Variants in SUMF1 observed in about 807,000 individuals in gnomAD.
SUMF1 encodes the protein formylglycine-generating enzyme.
A neutral mutation model predicts 47.6 loss-of-function variants in SUMF1; 48 were observed. That is an observed-to-expected ratio of 1.01 (90% CI 0.80 to 1.28). The LOEUF (loss-of-function observed/expected upper bound fraction) is 1.28, where lower values mean the gene tolerates loss of function less well. Among genes scored for constraint, SUMF1 ranks in the 50% most tolerant of loss-of-function variants. The pLI is 0.00. For missense variants in SUMF1, 571 were observed against 485.4 expected, an observed-to-expected ratio of 1.18 and a Z score of -1.66; for synonymous variants, 230 against 192.1, an observed-to-expected ratio of 1.20 and a Z score of -1.63.
chr3:4,134,788 G>C (rs557631522), intron 8 of SUMF1, among the ~76,000 whole-genome samples: 1 of 151,726 alleles, frequency 6.6e-6, no homozygotes, highest in Admixed American at 6.6e-5. Flanking sequence ...GATAAAGGGG[G>C]TATCACCACC....
In SUMF1 at chr3:4,171,432, T is replaced by C. The variant is rs9858798; in HGVS notation, c.1015-102687A>G. On this transcript the variant is annotated intron_variant and NMD_transcript_variant, in intron 8 of 12. Transcript: ENST00000448413. Reference sequence around the variant, plus strand: ...TAGACTTGAGTTTCATAGATGTGTTTACATGGGCCAAAGAAACCCAAGGGT... The same window carrying C: ...TAGACTTGAGTTTCATAGATGTGTTCACATGGGCCAAAGAAACCCAAGGGT... 3.3e-5 allele frequency among the ~76,000 whole-genome samples: 5 copies of C among 152,294 alleles called. No individual in the cohort carries two copies. In the South Asian group the frequency reaches 8.3e-4, roughly 25 times the overall value.
At chr3:4,121,225 C>T (rs550593424) in intron 8 of SUMF1, among the ~76,000 whole-genome samples, 2 of 152,052 alleles carry the variant, frequency 1.3e-5, no homozygotes, top group Non-Finnish European at 2.9e-5. Flanking sequence ...GCTTTATATC[C>T]CCAGTTTCAA....
intron 8 of SUMF1, among the ~76,000 whole-genome samples, chr3:4,262,157 T>G (rs1435486586): frequency 2.6e-5 from 4 of 152,082 alleles, no homozygotes; most frequent in Non-Finnish European, 5.9e-5. Flanking sequence ...CTGCCCCTCC[T>G]TGTCATAAAA....
At chr3:4,290,301 C>A (rs1245044400) in intron 8 of SUMF1, among the ~76,000 whole-genome samples, 2 of 148,380 alleles carry the variant, frequency 1.3e-5, no homozygotes, top group African/African-American at 2.6e-5. Context: ...CTAAACAAAT[C>A]ACAGCAAAGG....
At chr3:4,335,966 A>AAACAAAAAAAT (rs575357717) in intron 8 of SUMF1, among the ~76,000 whole-genome samples, 2 of 144,914 alleles carry the variant, frequency 1.4e-5, no homozygotes, top group Non-Finnish European at 1.5e-5. Context: ...AACTCAAAAA[A>AAACAAAAAAAT]AAAAAAAAAA....
intron 8 of SUMF1, among the ~76,000 whole-genome samples, chr3:4,267,914 C>T (rs1401699007): frequency 2.7e-5 from 4 of 150,680 alleles, no homozygotes. Flanking sequence ...ATAAATCATG[C>T]TGCTATAAAG....
chr3:4,059,322 C>T (rs1449394314), intron 9 of SUMF1, among the ~76,000 whole-genome samples: 1 of 152,114 alleles, frequency 6.6e-6, no homozygotes, highest in Non-Finnish European at 1.5e-5. Flanking sequence ...TTTATCTGTA[C>T]AGCTGCCCAT....
At chr3:4,273,662 T>C (rs1461049742) in intron 8 of SUMF1, among the ~76,000 whole-genome samples, 1 of 134,034 alleles carries the variant, frequency 7.5e-6, no homozygotes, top group Admixed American at 8.3e-5. Context: ...AAGTAAATTA[T>C]ACTCAATAAA....
At chr3:4,092,917 T>A (rs1692819050) in intron 8 of SUMF1, among the ~76,000 whole-genome samples, 1 of 152,008 alleles carries the variant, frequency 6.6e-6, no homozygotes, top group Admixed American at 6.6e-5. Context: ...GTGTGTGCCT[T>A]ACAATATAGA....
chr3:4,417,080 C>T (rs769315892), intron 6 of SUMF1, 48 bp downstream of exon 6: 79 of 1,570,578 alleles, frequency 5.0e-5, no homozygotes, highest in Admixed American at 1.0e-4. Context: ...TACTGGGAGC[C>T]TCAGTTCTCA....
chr3:4,225,006 T>G (rs1397182598), intron 8 of SUMF1, among the ~76,000 whole-genome samples: 1 of 152,124 alleles, frequency 6.6e-6, no homozygotes, highest in Non-Finnish European at 1.5e-5. Flanking sequence ...TCAAGGGTTC[T>G]GACAAAAACT....
intron 9 of SUMF1, among the ~76,000 whole-genome samples, chr3:4,051,297 A>G (rs1203267337): frequency 6.6e-6 from 1 of 152,004 alleles, no homozygotes; most frequent in Non-Finnish European, 1.5e-5. Context: ...ATCCCTCCTG[A>G]GCATAGGGCC....
intron 1 of SUMF1, among the ~76,000 whole-genome samples, chr3:4,461,037 C>A (rs1279889148): frequency 6.6e-6 from 1 of 152,146 alleles, no homozygotes; most frequent in Admixed American, 6.6e-5. Context: ...ATTTCTATAT[C>A]CCCACTGCCT....
chr3:4,379,840 C>CAAAAAAAAAA (rs58264459), intron 7 of SUMF1, among the ~76,000 whole-genome samples: 2 of 76,888 alleles, frequency 2.6e-5, no homozygotes, highest in African/African-American at 5.3e-5. Flanking sequence ...GCCTCCATCT[C>CAAAAAAAAAA]AAAAAAAAAA....
At chr3:4,178,826 A>G (rs1695029981) in intron 8 of SUMF1, among the ~76,000 whole-genome samples, 1 of 152,198 alleles carries the variant, frequency 6.6e-6, no homozygotes, top group East Asian at 1.9e-4. Context: ...TTAAGCTGAT[A>G]AGCAACTTCA....
At chr3:4,072,416 G>A (rs1031361131) in intron 8 of SUMF1, among the ~76,000 whole-genome samples, 4 of 152,032 alleles carry the variant, frequency 2.6e-5, no homozygotes, top group Admixed American at 1.3e-4. Flanking sequence ...AAACCAAAAC[G>A]CCCCTTCTCC....
intron 8 of SUMF1, among the ~76,000 whole-genome samples, chr3:4,362,605 G>C (rs1283267875): frequency 1.3e-5 from 2 of 152,190 alleles, no homozygotes; most frequent in African/African-American, 4.8e-5. Context: ...AGTATTTAAT[G>C]ACACAGGAAG....
chr3:4,444,840 G>C (rs1363686212), intron 3 of SUMF1, among the ~76,000 whole-genome samples: 1 of 152,194 alleles, frequency 6.6e-6, no homozygotes, highest in East Asian at 1.9e-4. Context: ...GGCCTAGACA[G>C]GGTCCTCGAA....
At chr3:4,283,361 T>C (rs1020071583) in intron 8 of SUMF1, among the ~76,000 whole-genome samples, 2 of 152,212 alleles carry the variant, frequency 1.3e-5, no homozygotes, top group Non-Finnish European at 2.9e-5. Context: ...TGGCAGTCTG[T>C]GGGATAAACT....
Sources: allele counts gnomAD v4.1 joint callset (sites outside exome capture counted in the v4.1 genomes callset), GRCh38; gene constraint gnomAD v4.1.1; transcripts MANE v1.5; gene names NCBI Gene and HGNC (gene_info 2026-07-23, HGNC 2026-07-21).